The following OLFM3 variants were observed in gnomAD, a reference collection of about 807,000 sequenced individuals.
The protein encoded by OLFM3 is olfactomedin 3.
In OLFM3, 20 loss-of-function variants were observed where a neutral mutation model predicts 48.6. The ratio of observed to expected loss-of-function variants is 0.41; its 90% CI spans 0.29 to 0.60. The LOEUF (loss-of-function observed/expected upper bound fraction) is 0.60. OLFM3 is among the 20% of genes least tolerant of loss of function. The pLI is 0.28. For missense variants in OLFM3, 437 were observed against 544.3 expected (o/e 0.80, Z 1.96); for synonymous variants, 222 against 198.1 (o/e 1.12, Z -1.01).
chr1:101,966,920 T>G (rs1299083463), intron 1 of OLFM3, among the ~76,000 whole-genome samples: 1 of 152,214 alleles, frequency 6.6e-6, no homozygotes, highest in Admixed American at 6.5e-5. Context: ...AAGTACAATG[T>G]AAGCTTCCTG....
chr1:101,811,802 G>A (rs533568879), intron 4 of OLFM3, among the ~76,000 whole-genome samples: 2 of 152,218 alleles, frequency 1.3e-5, no homozygotes, highest in Non-Finnish European at 2.9e-5. Context: ...TCTAGAACTA[G>A]AAATACCATT....
chr1:101,857,264 T>A (rs1656460741), intron 1 of OLFM3, among the ~76,000 whole-genome samples: 1 of 151,968 alleles, frequency 6.6e-6, no homozygotes, highest in African/African-American at 2.4e-5. Context: ...AAGTAACTGT[T>A]GTCAGGAAAA....
chr1:101,811,382 T>C (rs1166210676), intron 4 of OLFM3, among the ~76,000 whole-genome samples: 2 of 152,026 alleles, frequency 1.3e-5, no homozygotes, highest in Non-Finnish European at 2.9e-5. Flanking sequence ...CAAAAGAAAC[T>C]ACCATCAGAG....
At chr1:101,941,461 T>C (rs558510574) in intron 1 of OLFM3, among the ~76,000 whole-genome samples, 9 of 152,208 alleles carry the variant, frequency 5.9e-5, no homozygotes, top group African/African-American at 1.7e-4. Flanking sequence ...AGATTATAGT[T>C]ATATTCTTTG....
chr1:101,962,337 TTAA>T (rs1360910908), intron 1 of OLFM3, among the ~76,000 whole-genome samples: 7 of 152,140 alleles, frequency 4.6e-5, no homozygotes. Flanking sequence ...ATGAGATTAA[TTAA>T]TGTAAGTTAT....
At chr1:101,901,706 C>G (rs1449244337) in intron 1 of OLFM3, among the ~76,000 whole-genome samples, 1 of 151,954 alleles carries the variant, frequency 6.6e-6, no homozygotes, top group East Asian at 1.9e-4. Flanking sequence ...ATTTACAGAC[C>G]TGACAGATAA....
At chr1:101,938,695 G>T (rs910294427) in intron 1 of OLFM3, among the ~76,000 whole-genome samples, 1 of 152,152 alleles carries the variant, frequency 6.6e-6, no homozygotes, top group Non-Finnish European at 1.5e-5. Context: ...TCAGTTTTGT[G>T]TATTGCTTCC....
At chr1:101,986,317 A>G (rs972789540) in intron 1 of OLFM3, among the ~76,000 whole-genome samples, 5 of 152,090 alleles carry the variant, frequency 3.3e-5, no homozygotes, top group African/African-American at 1.2e-4. Flanking sequence ...ACCTACCAAA[A>G]GTATAAGAGC....
chr1:101,919,386 T>A (rs1256036870), intron 1 of OLFM3, among the ~76,000 whole-genome samples: 1 of 152,224 alleles, frequency 6.6e-6, no homozygotes, highest in Non-Finnish European at 1.5e-5. Flanking sequence ...GCTCCCGTTA[T>A]ACGGAAACGT....
In OLFM3 at chr1:101,929,345, A is replaced by T. The variant is rs140001126; in HGVS notation, c.69+67403T>A. On this transcript the variant is annotated intron_variant, in intron 1 of 5. Transcript: ENST00000370103. ...TTTTGGGAAACCCACTTCTTGTGTC[A>T]TACTAAGCTTTCTTGGATCTTGATT... is the stretch of plus-strand genomic sequence containing the variant. Among the ~76,000 whole-genome samples, 1,023 of 152,292 alleles carry T rather than the reference A, an allele frequency of 6.7e-3. 5 individuals are homozygous for T. Among genetic ancestry groups the T allele is most frequent in the Admixed American group, 0.011 (173 of 15,290 alleles).
At chr1:101,932,080 G>T (rs1263463714) in intron 1 of OLFM3, among the ~76,000 whole-genome samples, 1 of 152,140 alleles carries the variant, frequency 6.6e-6, no homozygotes, top group Non-Finnish European at 1.5e-5. Flanking sequence ...AAAGTGTAGA[G>T]TGTGATTTTT....
chr1:101,994,647 T>G (rs914373329), intron 1 of OLFM3, among the ~76,000 whole-genome samples: 4 of 150,142 alleles, frequency 2.7e-5, no homozygotes, highest in African/African-American at 9.7e-5. Flanking sequence ...CTTCTCTTCA[T>G]TTTTTAAAGC....
At chr1:101,851,639 G>T (rs967810010) in intron 1 of OLFM3, among the ~76,000 whole-genome samples, 3 of 152,098 alleles carry the variant, frequency 2.0e-5, no homozygotes, top group Non-Finnish European at 4.4e-5. Context: ...TCAAAGTAGA[G>T]GAAAGGGACT....
chr1:101,995,121 G>A (rs1041155159), intron 1 of OLFM3, among the ~76,000 whole-genome samples: 1 of 152,072 alleles, frequency 6.6e-6, no homozygotes, highest in Non-Finnish European at 1.5e-5. Context: ...AATTGTTAAT[G>A]AAGCTCTACA....
chr1:101,936,179 A>C (rs1373544317), intron 1 of OLFM3, among the ~76,000 whole-genome samples: 3 of 152,120 alleles, frequency 2.0e-5, no homozygotes, highest in Admixed American at 6.5e-5. Context: ...AACTCAAACT[A>C]TCTCAGTTTG....
intron 4 of OLFM3, among the ~76,000 whole-genome samples, chr1:101,820,233 G>A (rs1159097256): frequency 6.6e-6 from 1 of 152,034 alleles, no homozygotes; most frequent in Non-Finnish European, 1.5e-5. Flanking sequence ...TGTTAAACAT[G>A]AAGTCCCAAA....
intron 1 of OLFM3, among the ~76,000 whole-genome samples, chr1:101,854,744 A>G (rs1373416496): frequency 6.6e-6 from 1 of 152,022 alleles, no homozygotes; most frequent in Non-Finnish European, 1.5e-5. Flanking sequence ...TTAAGAGCTC[A>G]GTCTTTATCC....
intron 4 of OLFM3, among the ~76,000 whole-genome samples, chr1:101,819,568 G>T (rs1654504410): frequency 6.6e-6 from 1 of 151,926 alleles, no homozygotes; most frequent in Non-Finnish European, 1.5e-5. Context: ...ATTGGTGAGG[G>T]GGAGATAAAA....
intron 1 of OLFM3, among the ~76,000 whole-genome samples, chr1:101,894,590 A>G (rs1202685962): frequency 6.6e-6 from 1 of 152,118 alleles, no homozygotes; most frequent in East Asian, 1.9e-4. Flanking sequence ...ACACTTTTTA[A>G]GACCATGTCA....
Sources: allele counts gnomAD v4.1 joint callset (sites outside exome capture counted in the v4.1 genomes callset), GRCh38; gene constraint gnomAD v4.1.1; transcripts MANE v1.5; gene names NCBI Gene and HGNC (gene_info 2026-07-23, HGNC 2026-07-21).